UTS2B: variants seen among roughly 807,000 people sequenced by gnomAD.
The protein encoded by UTS2B is urotensin 2B.
UTS2B carries 21 observed loss-of-function variants against 19.2 expected under a neutral mutation model. The ratio of observed to expected loss-of-function variants is 1.09; its 90% confidence interval spans 0.78 to 1.58. UTS2B has a LOEUF of 1.58. Ranked by LOEUF, UTS2B falls within the 40% of genes most tolerant of loss-of-function variation. UTS2B has a pLI of 0.00. For synonymous variants in UTS2B, 57 were observed against 50.2 expected (o/e 1.14, Z -0.58); for missense variants, 138 against 130.3 (o/e 1.06, Z -0.29).
At chr3:191,319,737 G>A (rs1343200320) in intron 2 of UTS2B, among the ~76,000 whole-genome samples, 1 of 151,174 alleles carries the variant, frequency 6.6e-6, no homozygotes, top group Non-Finnish European at 1.5e-5. Flanking sequence ...GTGTGGTGGC[G>A]GGTGCCTGTC....
At chr3:191,337,742 G>A in the UTS2B span, among the ~76,000 whole-genome samples, 6 of 152,008 alleles carry the variant, frequency 3.9e-5, no homozygotes, top group East Asian at 1.9e-4. Context: ...AGAGTATGCC[G>A]TATGCCAGCT....
At chr3:191,329,568 C>T (rs900315987) in intron 1 of UTS2B, 6 of 1,177,392 alleles carry the variant, frequency 5.1e-6, no homozygotes, top group Non-Finnish European at 7.1e-6. Flanking sequence ...CCCTGCCGGC[C>T]GGACTTTGCG....
At chr3:191,325,239 G>C (rs1717715245) in intron 2 of UTS2B, among the ~76,000 whole-genome samples, 1 of 152,096 alleles carries the variant, frequency 6.6e-6, no homozygotes, top group Non-Finnish European at 1.5e-5. Flanking sequence ...TGCAATAAGG[G>C]TATGTAGTAG....
chr3:191,315,105 T>C (rs1299251619), intron 3 of UTS2B, among the ~76,000 whole-genome samples: 1 of 151,414 alleles, frequency 6.6e-6, no homozygotes, highest in East Asian at 1.9e-4. Context: ...TCTGCCCCAC[T>C]GGGTTCAAGT....
intron 3 of UTS2B, among the ~76,000 whole-genome samples, chr3:191,308,654 A>G (rs1717209178): frequency 3.9e-5 from 6 of 152,198 alleles, no homozygotes; most frequent in Admixed American, 3.3e-4. Flanking sequence ...GATTTCTGAC[A>G]GCCAAAAATG....
chr3:191,330,577 C>G (rs1457465392), upstream of UTS2B: 1 of 152,192 alleles, frequency 6.6e-6, no homozygotes, highest in Non-Finnish European at 1.5e-5. Context: ...ATAGACGTTC[C>G]AGAGTGCTGA....
At chr3:191,285,372 T>A (rs2108578552) in intron 4 of UTS2B, among the ~76,000 whole-genome samples, 1 of 152,220 alleles carries the variant, frequency 6.6e-6, no homozygotes, top group African/African-American at 2.4e-5. Flanking sequence ...AATCAAAGCA[T>A]ACCACTAGAG....
the UTS2B span, among the ~76,000 whole-genome samples, chr3:191,335,913 A>G: frequency 2.0e-5 from 3 of 150,560 alleles, no homozygotes; most frequent in Non-Finnish European, 4.4e-5. Context: ...CTAACCCCCA[A>G]ACTTCTCAAC....
At chr3:191,276,615 A>G (rs1433560103) in intron 7 of UTS2B, among the ~76,000 whole-genome samples, 192 bp downstream of exon 7, 1 of 152,190 alleles carries the variant, frequency 6.6e-6, no homozygotes, top group Non-Finnish European at 1.5e-5. Context: ...CACTTCAGCC[A>G]TAGTTTTGTT....
chr3:191,343,777 G>T, the UTS2B span, among the ~76,000 whole-genome samples: 1 of 152,186 alleles, frequency 6.6e-6, no homozygotes, highest in Non-Finnish European at 1.5e-5. Flanking sequence ...GGGTACTTCA[G>T]TAAGTGCTTG....
chr3:191,271,324 C>T (rs1716088327), intron 8 of UTS2B, among the ~76,000 whole-genome samples: 1 of 151,802 alleles, frequency 6.6e-6, no homozygotes, highest in Admixed American at 6.6e-5. Context: ...CTTTCTCACA[C>T]GTAGTTACAT....
intron 3 of UTS2B, among the ~76,000 whole-genome samples, chr3:191,312,458 G>A (rs1717329981): frequency 1.3e-5 from 2 of 152,162 alleles, no homozygotes; most frequent in African/African-American, 4.8e-5. Flanking sequence ...AAGGAATTTA[G>A]AAGTTCAGAA....
chr3:191,269,462 C>T (rs9835883), intron 8 of UTS2B, among the ~76,000 whole-genome samples: 78,964 of 151,610 alleles, frequency 0.52, 21,349 homozygotes, highest in Non-Finnish European at 0.59. Context: ...TGAAGTGAGG[C>T]GCTTCACCCA....
At chr3:191,343,138 A>G in the UTS2B span, among the ~76,000 whole-genome samples, 1 of 152,200 alleles carries the variant, frequency 6.6e-6, no homozygotes, top group Non-Finnish European at 1.5e-5. Context: ...GCCAACTGCA[A>G]GAAGTGAGTA....
At chr3:191,298,849 G>A (rs1716922932) in intron 4 of UTS2B, among the ~76,000 whole-genome samples, 1 of 152,142 alleles carries the variant, frequency 6.6e-6, no homozygotes, top group African/African-American at 2.4e-5. Context: ...GTGAAGTCCA[G>A]GATAAAGGGG....
At chr3:191,327,765 A>G (rs917230380) in intron 2 of UTS2B, among the ~76,000 whole-genome samples, 2 of 152,192 alleles carry the variant, frequency 1.3e-5, no homozygotes, top group South Asian at 4.1e-4. Context: ...TAGAAACGAT[A>G]GATTTGGGGA....
chr3:191,331,280 A>G (rs964994552), upstream of UTS2B, among the ~76,000 whole-genome samples: 5 of 152,290 alleles, frequency 3.3e-5, no homozygotes, highest in South Asian at 2.1e-4. Flanking sequence ...ATTTTATCCA[A>G]TCCCCTATTC....
chr3:191,289,180 T>C (rs369455512), intron 4 of UTS2B, among the ~76,000 whole-genome samples: 4 of 151,788 alleles, frequency 2.6e-5, no homozygotes, highest in Non-Finnish European at 4.4e-5. Flanking sequence ...GAGACCGAGG[T>C]GGGTGGATCA....
At chr3:191,312,137 G>A (rs1159758096) in intron 3 of UTS2B, among the ~76,000 whole-genome samples, 4 of 146,590 alleles carry the variant, frequency 2.7e-5, no homozygotes, top group Non-Finnish European at 4.5e-5. Context: ...GGGTGACAGA[G>A]CAAGATTCTG....
Sources: gnomAD v4.1 joint callset for allele counts (sites outside exome capture counted in the v4.1 genomes callset) on GRCh38, gnomAD v4.1.1 for gene constraint, MANE v1.5 for transcripts, NCBI Gene and HGNC (gene_info 2026-07-23, HGNC 2026-07-21) for gene names.